NBPF9: variants seen among roughly 807,000 people sequenced by gnomAD.
The protein encoded by NBPF9 is NBPF family member NBPF9.
Under a neutral mutation model 97.8 loss-of-function variants are expected in NBPF9, and 91 were observed. That is an observed-to-expected ratio of 0.93 (90% CI 0.79 to 1.11). The LOEUF (loss-of-function observed/expected upper bound fraction) is 1.11. NBPF9 is among the 50% of genes least tolerant of loss of function. The probability of loss-of-function intolerance (pLI) is 0.00; values close to 1 mark genes in which losing one functional copy is unlikely to be tolerated. For missense variants in NBPF9, 992 were observed against 939.5 expected, an observed-to-expected ratio of 1.06 and a Z score of -0.73; for synonymous variants, 334 against 359.5, an observed-to-expected ratio of 0.93 and a Z score of 0.80.
At chr1:149,055,517 T>C (rs879945946) in exon 30 of NBPF9, 38 of 1,540,738 alleles carry the variant, frequency 2.5e-5, no homozygotes, top group Admixed American at 5.8e-5. Flanking sequence ...CTGGCATGGT[T>C]TGAGAATAGG....
intron 5 of NBPF9, among the ~76,000 whole-genome samples, chr1:149,088,952 AATT>A (rs1226692410): frequency 1.4e-4 from 21 of 150,450 alleles, no homozygotes; most frequent in Non-Finnish European, 2.2e-4. Context: ...GAGCTTTTCT[AATT>A]ATTACATAAG....
intron 10 of NBPF9, 31 bp downstream of exon 10, chr1:149,077,852 C>T (rs782360607): frequency 6.3e-7 from 1 of 1,590,974 alleles, no homozygotes; most frequent in Non-Finnish European, 8.6e-7. Flanking sequence ...ATGTTACCAC[C>T]CATTACTTGC....
chr1:149,103,482 C>A (rs372231237), exon 1 of NBPF9: 1 of 152,316 alleles, frequency 6.6e-6, no homozygotes, highest in African/African-American at 2.4e-5. Context: ...CCAATATCGC[C>A]GCTGTCTCAA....
At chr1:149,062,552 C>A (rs1377063356) in intron 21 of NBPF9, among the ~76,000 whole-genome samples, 1 of 141,484 alleles carries the variant, frequency 7.1e-6, no homozygotes, top group East Asian at 2.1e-4. Context: ...GAGTTAGTGC[C>A]CTCGGGACAC....
At chr1:149,086,290 A>G (rs1364027546) in intron 5 of NBPF9, among the ~76,000 whole-genome samples, 5 of 151,970 alleles carry the variant, frequency 3.3e-5, no homozygotes, top group Non-Finnish European at 7.4e-5. Flanking sequence ...AAAAAAAAAA[A>G]AAGAAGCCAG....
At chr1:149,098,194 GGA>G (rs2081918476) in intron 4 of NBPF9, among the ~76,000 whole-genome samples, 1 of 151,656 alleles carries the variant, frequency 6.6e-6, no homozygotes, top group Non-Finnish European at 1.5e-5. Flanking sequence ...GAAAAGTCCT[GGA>G]GAGAACACTG....
At chr1:149,059,868 T>A in intron 24 of NBPF9, 60 bp from the exon 25 acceptor site, 1 of 514,784 alleles carries the variant, frequency 1.9e-6, no homozygotes, top group Non-Finnish European at 3.6e-6. Flanking sequence ...CATATAACAA[T>A]CCACTGTCTA....
chr1:149,052,279 C>T (rs2077957729), downstream of NBPF9, among the ~76,000 whole-genome samples: 1 of 152,040 alleles, frequency 6.6e-6, no homozygotes, highest in Non-Finnish European at 1.5e-5. Flanking sequence ...TTTTGCTCAA[C>T]AGTACTAAGA....
At position 149,074,450 on chromosome 1, in the gene NBPF9, T is replaced by A. The variant is rs186398903; in HGVS notation, c.989-580A>T. Among the ~76,000 whole-genome samples the A allele has an allele frequency of 9.9e-4, 150 of 151,702 alleles. 3 individuals are homozygous for A. Among genetic ancestry groups the A allele is most frequent in the African/African-American group, 3.6e-3 (148 of 41,454 alleles). On this transcript the variant is annotated intron_variant, in intron 12 of 29. Coordinates refer to ENST00000584027, the Ensembl canonical transcript of NBPF9. ...TGCCCAAATGCTAATAAAGTTTGTG[T>A]TAATTTAGAAACAGCAGAATGAAGA...
intron 4 of NBPF9, among the ~76,000 whole-genome samples, chr1:149,097,424 G>T (rs587734565): frequency 6.6e-6 from 1 of 152,178 alleles, no homozygotes; most frequent in African/African-American, 2.4e-5. Context: ...CTTTGGATAA[G>T]TTCTGGTGCC....
chr1:149,073,126 G>T (rs1214882186), intron 13 of NBPF9, among the ~76,000 whole-genome samples, 194 bp from the exon 14 acceptor site: 1 of 148,946 alleles, frequency 6.7e-6, no homozygotes, highest in Non-Finnish European at 1.5e-5. Context: ...ATCAGAGAGG[G>T]CTCCTGCAAG....
In NBPF9 at chr1:149,070,932, A is replaced by C. The variant is rs781948634; in HGVS notation, c.1585+2T>G. The C allele has an allele frequency of 1.2e-5, 20 of 1,612,396 alleles. No homozygotes were observed. Among genetic ancestry groups the C allele is most frequent in the Non-Finnish European group, 1.7e-5 (20 of 1,179,854 alleles). ...ATGAGACACAAGGAAAACAGAGGCT[A>C]CCTGGAATAATGTGTACAGCATCTT... On this transcript the variant is annotated splice_donor_variant, in intron 16 of 29. Transcript: ENST00000584027. LOFTEE classifies it high-confidence loss of function.
At chr1:149,068,960 T>G (rs1482292929) in intron 17 of NBPF9, among the ~76,000 whole-genome samples, 5 of 152,052 alleles carry the variant, frequency 3.3e-5, no homozygotes, top group Non-Finnish European at 7.3e-5. Flanking sequence ...AACTCAGGAT[T>G]AAGAAACTCA....
chr1:149,087,165 GTCT>G (rs1401421975), intron 5 of NBPF9, among the ~76,000 whole-genome samples: 2 of 151,830 alleles, frequency 1.3e-5, no homozygotes, highest in African/African-American at 2.4e-5. Context: ...CCATTCATGT[GTCT>G]TCTTTTCTGA....
intron 5 of NBPF9, among the ~76,000 whole-genome samples, chr1:149,082,927 C>T (rs1458663968): frequency 1.3e-4 from 19 of 147,518 alleles, no homozygotes; most frequent in South Asian, 4.4e-4. Context: ...ATACAGGCGC[C>T]CGCCACCACG....
intron 12 of NBPF9, among the ~76,000 whole-genome samples, chr1:149,074,120 C>G (rs587623479): frequency 6.6e-6 from 1 of 151,404 alleles, no homozygotes; most frequent in South Asian, 2.1e-4. Flanking sequence ...TCAACCACAA[C>G]GAAGTGGAGT....
chr1:149,087,214 C>T (rs1553658793), intron 5 of NBPF9, among the ~76,000 whole-genome samples: 2 of 151,008 alleles, frequency 1.3e-5, no homozygotes, highest in Non-Finnish European at 1.5e-5. Flanking sequence ...TTTCAATGTG[C>T]TGTTTATCGT....
In NBPF9 at chr1:149,077,787, G is replaced by A. The variant is rs587645630; in HGVS notation, c.566+96C>T. 5.7e-5 allele frequency: 88 copies of A among 1,546,282 alleles called. 1 individual carries two copies. The highest frequency in any genetic ancestry group is 4.5e-4 in the East Asian group (20 of 44,474). ...TCACATACTGTGGCCAAGGGGATGC[G>A]GGCTTTTGGCCCACCATAGATGCCA... On this transcript the variant is annotated intron_variant, in intron 10 of 29. Transcript: ENST00000584027.
chr1:149,100,959 C>G (rs1483405586), intron 3 of NBPF9, among the ~76,000 whole-genome samples: 1 of 150,662 alleles, frequency 6.6e-6, no homozygotes, highest in Non-Finnish European at 1.5e-5. Flanking sequence ...AATGCAAAAA[C>G]TAAAATAAAA....
Sources: allele counts gnomAD v4.1 joint callset (sites outside exome capture counted in the v4.1 genomes callset), GRCh38; gene constraint gnomAD v4.1.1; transcripts MANE v1.5; gene names NCBI Gene and HGNC (gene_info 2026-07-23, HGNC 2026-07-21).